PRKCQ: variants seen among roughly 807,000 people sequenced by gnomAD.
PRKCQ encodes protein kinase C theta.
PRKCQ carries 41 observed loss-of-function variants against 91.2 expected under a neutral mutation model. The ratio of observed to expected loss-of-function variants is 0.45; its 90% CI spans 0.35 to 0.58. The LOEUF (loss-of-function observed/expected upper bound fraction) is 0.58. Ranked by LOEUF, PRKCQ falls within the 20% of genes least tolerant of loss-of-function variation. PRKCQ has a pLI of 0.00. For synonymous variants in PRKCQ, 307 were observed against 316.9 expected, an observed-to-expected ratio of 0.97 and a Z score of 0.33; for missense variants, 673 against 896.5, an observed-to-expected ratio of 0.75 and a Z score of 3.18.
chr10:6,405,990 C>T, the PRKCQ span, among the ~76,000 whole-genome samples: 55 of 152,296 alleles, frequency 3.6e-4, 3 homozygotes, highest in South Asian at 0.011. Context: ...ACCAAGAGCT[C>T]GCACATTCAG....
In PRKCQ at chr10:6,565,198, G is replaced by A. The variant is rs373178403; in HGVS notation, c.-10+15013C>T. On this transcript the variant is annotated intron_variant, in intron 1 of 17. Coordinates refer to ENST00000263125, the MANE Select transcript of PRKCQ (RefSeq NM_006257.5). ...TGGCTGGGTGTCTTGAGATAGCACAGTACTTGAATAAATAGTGTGATCTCT... is the reference window on the plus strand; with the variant it reads ...TGGCTGGGTGTCTTGAGATAGCACAATACTTGAATAAATAGTGTGATCTCT... Among the ~76,000 whole-genome samples the A allele has an allele frequency of 2.6e-5, 4 of 152,332 alleles. No homozygotes were observed. The South Asian group carries it at 8.3e-4, about 32-fold the overall frequency.
intron 1 of PRKCQ, among the ~76,000 whole-genome samples, chr10:6,521,706 G>C (rs1236815202): frequency 1.3e-5 from 2 of 152,124 alleles, no homozygotes; most frequent in African/African-American, 4.8e-5. Flanking sequence ...TAAATTATGT[G>C]ACCTTCCTCT....
intron 4 of PRKCQ, among the ~76,000 whole-genome samples, chr10:6,507,201 T>C (rs768904593): frequency 9.9e-5 from 15 of 152,234 alleles, no homozygotes; most frequent in Admixed American, 7.8e-4. Context: ...TTTGGGCATA[T>C]GGATTCACAT....
chr10:6,470,466 G>A (rs1179830379), intron 12 of PRKCQ, among the ~76,000 whole-genome samples: 1 of 152,136 alleles, frequency 6.6e-6, no homozygotes, highest in Non-Finnish European at 1.5e-5. Flanking sequence ...CGTAATGTTG[G>A]GTCTAATAAG....
At chr10:6,452,579 G>A (rs1202497143) in intron 15 of PRKCQ, among the ~76,000 whole-genome samples, 1 of 149,204 alleles carries the variant, frequency 6.7e-6, no homozygotes, top group Non-Finnish European at 1.5e-5. Context: ...CTACTTCAAA[G>A]TTCATATGGA....
intron 1 of PRKCQ, among the ~76,000 whole-genome samples, chr10:6,519,066 T>A (rs749490946): frequency 6.6e-5 from 10 of 152,316 alleles, no homozygotes; most frequent in Admixed American, 1.3e-4. Flanking sequence ...AATATGCGTA[T>A]CTATCCATCT....
intron 8 of PRKCQ, among the ~76,000 whole-genome samples, chr10:6,490,326 C>T (rs996203045): frequency 6.6e-6 from 1 of 152,040 alleles, no homozygotes; most frequent in African/African-American, 2.4e-5. Context: ...CATCACGTAC[C>T]TCATTGCTCA....
At chr10:6,444,487 A>C (rs1834140992) in intron 15 of PRKCQ, among the ~76,000 whole-genome samples, 1 of 152,182 alleles carries the variant, frequency 6.6e-6, no homozygotes, top group Admixed American at 6.5e-5. Flanking sequence ...TTTTAATGGA[A>C]AAGAGGGAAA....
intron 12 of PRKCQ, among the ~76,000 whole-genome samples, chr10:6,469,165 C>A (rs1487508306): frequency 6.6e-6 from 1 of 152,090 alleles, no homozygotes; most frequent in African/African-American, 2.4e-5. Context: ...ACTGTGGGTC[C>A]CCAGGTTTAA....
chr10:6,479,110 T>C lies in PRKCQ; in HGVS notation c.1235A>G (p.Lys412Arg). ...ATCGTCCATCAAGACCACATCTTTC[T>C]TTAAGGCCTTTATTGCGAAAAATTG... ...TNQFFAIKAL[K>R]KDVVLMDDDV... is the part of the protein sequence containing the mutation. Residue 412 changes from lysine to arginine, a missense_variant, in exon 12 of 18, where the codon AAG becomes AGG. Physicochemically the swap from Lys to Arg is conservative, Grantham distance 26 (BLOSUM62 2). Transcript: ENST00000263125. The C allele has an allele frequency of 1.2e-6, 2 of 1,614,232 alleles. No individual in the cohort carries two copies. The highest frequency in any genetic ancestry group is 1.7e-6 in the Non-Finnish European group (2 of 1,180,030).
At chr10:6,562,303 A>G (rs1052894105) in intron 1 of PRKCQ, among the ~76,000 whole-genome samples, 2 of 152,172 alleles carry the variant, frequency 1.3e-5, no homozygotes, top group East Asian at 1.9e-4. Flanking sequence ...CTGAAAAGAC[A>G]ACAACTTCCG....
intron 1 of PRKCQ, among the ~76,000 whole-genome samples, chr10:6,517,153 C>T (rs1466428958): frequency 2.6e-5 from 4 of 151,846 alleles, no homozygotes; most frequent in Admixed American, 6.6e-5. Context: ...CAGATGGCAG[C>T]GTTTTACACC....
chr10:6,448,565 C>T (rs916887115), intron 15 of PRKCQ, among the ~76,000 whole-genome samples: 2 of 152,090 alleles, frequency 1.3e-5, no homozygotes, highest in Non-Finnish European at 2.9e-5. Context: ...CGTGCCACCA[C>T]ACCCAGCTAA....
the PRKCQ span, among the ~76,000 whole-genome samples, chr10:6,408,286 A>C: frequency 3.9e-5 from 6 of 152,154 alleles, no homozygotes; most frequent in Admixed American, 2.0e-4. Context: ...TATTTCTTAC[A>C]AATTAGTACT....
At position 6,428,072 on chromosome 10, in the gene PRKCQ, G is replaced by T; in HGVS notation, c.*135C>A. On this transcript the variant is annotated 3_prime_UTR_variant, in exon 18 of 18. Coordinates refer to ENST00000263125, the MANE Select transcript of PRKCQ (RefSeq NM_006257.5). ...TTCTGCTACAGATAAAAGTCACATG[G>T]GGGCGAACGGGTCTCAGTCTTTATT... 1.8e-6 allele frequency: 2 copies of T among 1,098,244 alleles called. No individual in the cohort carries two copies. The highest frequency in any genetic ancestry group is 2.5e-5 in the East Asian group (1 of 40,482). 68.0% of individuals were successfully genotyped at this position (1,098,244 alleles called of 1,614,324 possible). A position where few individuals can be genotyped will look rare whatever the true frequency, so the allele number is the denominator to read the frequency against.
chr10:6,530,440 A>AATACT (rs1839351058), intron 1 of PRKCQ, among the ~76,000 whole-genome samples: 1 of 152,254 alleles, frequency 6.6e-6, no homozygotes. Context: ...AAGCGGAAGC[A>AATACT]GCAGTGCTCA....
At chr10:6,536,248 G>A (rs1446735142) in intron 1 of PRKCQ, among the ~76,000 whole-genome samples, 1 of 152,176 alleles carries the variant, frequency 6.6e-6, no homozygotes, top group African/African-American at 2.4e-5. Context: ...TCCCTTTGCT[G>A]AGGGGTATAA....
At chr10:6,443,628 G>A (rs1834086087) in intron 15 of PRKCQ, among the ~76,000 whole-genome samples, 1 of 152,230 alleles carries the variant, frequency 6.6e-6, no homozygotes, top group South Asian at 2.1e-4. Context: ...AGCTGAGAGT[G>A]GCAGTCGCCA....
At chr10:6,574,373 C>T (rs1459664803) in intron 1 of PRKCQ, among the ~76,000 whole-genome samples, 4 of 152,214 alleles carry the variant, frequency 2.6e-5, no homozygotes, top group African/African-American at 7.2e-5. Flanking sequence ...CAAACTCCTT[C>T]GTATGACTTA....
Sources: allele counts gnomAD v4.1 joint callset (sites outside exome capture counted in the v4.1 genomes callset), GRCh38; gene constraint gnomAD v4.1.1; transcripts MANE v1.5; gene names NCBI Gene and HGNC (gene_info 2026-07-23, HGNC 2026-07-21).